Variants in CDK14 observed in about 807,000 individuals in gnomAD.
CDK14 encodes cyclin-dependent kinase 14.
CDK14 carries 34 observed loss-of-function variants against 60.7 expected under a neutral mutation model. The ratio of observed to expected loss-of-function variants is 0.56; its 90% CI spans 0.43 to 0.75. CDK14 has a LOEUF of 0.75. Among genes scored for constraint, CDK14 ranks in the 30% least tolerant of loss-of-function variants. CDK14 has a pLI of 0.00. For synonymous variants in CDK14, 197 were observed against 203.7 expected, an observed-to-expected ratio of 0.97 and a Z score of 0.28; for missense variants, 482 against 564.1, an observed-to-expected ratio of 0.85 and a Z score of 1.47.
At chr7:90,917,082 T>C (rs1793105076) in intron 7 of CDK14, among the ~76,000 whole-genome samples, 1 of 152,186 alleles carries the variant, frequency 6.6e-6, no homozygotes, top group Non-Finnish European at 1.5e-5. Context: ...TATGACTGTT[T>C]TTGTTTTAAT....
chr7:91,206,089 C>T (rs112023536), intron 14 of CDK14, among the ~76,000 whole-genome samples: 5,023 of 152,200 alleles, frequency 0.033, 106 homozygotes, highest in African/African-American at 0.055. Flanking sequence ...CCACCGTGCC[C>T]GGCCACTATT....
intron 10 of CDK14, among the ~76,000 whole-genome samples, chr7:90,987,027 TATTATA>T (rs1174056926): frequency 8.8e-5 from 1 of 11,326 alleles, no homozygotes; most frequent in Non-Finnish European, 2.1e-4. Context: ...AACTGAGATA[TATTATA>T]CAGCAACAGA....
At chr7:90,812,179 G>A (rs189663361) in intron 5 of CDK14, among the ~76,000 whole-genome samples, 13 of 152,194 alleles carry the variant, frequency 8.5e-5, no homozygotes, top group Non-Finnish European at 1.6e-4. Context: ...TATGTTTATT[G>A]TGGCACTATT....
intron 8 of CDK14, among the ~76,000 whole-genome samples, chr7:90,946,146 A>T (rs1041055110): frequency 6.6e-6 from 1 of 152,194 alleles, no homozygotes; most frequent in Non-Finnish European, 1.5e-5. Flanking sequence ...ATTATAGAAG[A>T]TACAGACTGT....
intron 10 of CDK14, among the ~76,000 whole-genome samples, chr7:91,019,103 T>C (rs1796374963): frequency 6.6e-6 from 1 of 152,152 alleles, no homozygotes; most frequent in South Asian, 2.1e-4. Context: ...AGATAATACA[T>C]AGAAAGAGAG....
chr7:91,051,627 G>A (rs1001007317), intron 11 of CDK14, among the ~76,000 whole-genome samples: 3 of 152,172 alleles, frequency 2.0e-5, no homozygotes, highest in Admixed American at 2.0e-4. Context: ...CCATAACTTG[G>A]TGTGAGATTC....
At chr7:91,016,156 G>A (rs79059379) in intron 10 of CDK14, among the ~76,000 whole-genome samples, 17,617 of 152,100 alleles carry the variant, frequency 0.12, 1,239 homozygotes, top group Middle Eastern at 0.29. Context: ...CCTACAACCA[G>A]TATCTACCTT....
chr7:90,741,920 G>T (rs1056051836), intron 3 of CDK14, among the ~76,000 whole-genome samples: 1 of 151,774 alleles, frequency 6.6e-6, no homozygotes, highest in African/African-American at 2.4e-5. Context: ...TGTTTTTCAG[G>T]ATTTTTCTCT....
intron 11 of CDK14, among the ~76,000 whole-genome samples, chr7:91,048,669 A>G (rs1361733432): frequency 6.6e-6 from 1 of 152,210 alleles, no homozygotes; most frequent in East Asian, 1.9e-4. Context: ...TCTCCTCTCT[A>G]TGCTATGTGA....
In CDK14 at chr7:90,895,403, C is replaced by T. The variant is rs576147595; in HGVS notation, c.640-3888C>T. 4.5e-4 allele frequency among the ~76,000 whole-genome samples: 7 copies of T among 15,546 alleles called. 2 individuals are homozygous for T. The highest frequency in any genetic ancestry group is 8.0e-4 in the African/African-American group (3 of 3,728). The allele number at this position is 15,546 out of a possible 152,430, so 10.2% of individuals were successfully genotyped here. ...CTCCTCTCCTCTCCTCTCCTCTCCT[C>T]TCCTCTCCTCTCCTCTCCTCTCCTC... On this transcript the variant is annotated intron_variant, in intron 6 of 14. Coordinates refer to ENST00000380050, the MANE Select transcript of CDK14 (RefSeq NM_001287135.2).
intron 13 of CDK14, 122 bp downstream of exon 13, chr7:91,112,803 T>C (rs1452952475): frequency 2.1e-6 from 2 of 969,242 alleles, no homozygotes; most frequent in Non-Finnish European, 1.6e-6. Flanking sequence ...AGATAATGTA[T>C]GTTTGTATGT....
Position 90,966,492 on chromosome 7 carries a change from G to C in CDK14, c.947+10675G>C, listed in dbSNP as rs559240933. Among the ~76,000 whole-genome samples, 4 of 152,274 alleles carry C rather than the reference G, an allele frequency of 2.6e-5. No homozygotes were observed. The South Asian group carries it at 6.2e-4, about 24-fold the overall frequency. On this transcript the variant is annotated intron_variant, in intron 9 of 14. Coordinates refer to ENST00000380050, the MANE Select transcript of CDK14 (RefSeq NM_001287135.2). Reference sequence around the variant, plus strand: ...GTTCCTCCTCATATGCTGATTACAGGCAGCTGACATCCTCAAAGCAGAGTG... The same window carrying C: ...GTTCCTCCTCATATGCTGATTACAGCCAGCTGACATCCTCAAAGCAGAGTG...
At chr7:90,608,091 G>C (rs1047274790) in intron 2 of CDK14, among the ~76,000 whole-genome samples, 1 of 152,152 alleles carries the variant, frequency 6.6e-6, no homozygotes, top group Non-Finnish European at 1.5e-5. Flanking sequence ...ACATTGTGAT[G>C]AGAGTTTTGG....
intron 5 of CDK14, among the ~76,000 whole-genome samples, chr7:90,859,222 AC>A (rs1449969034): frequency 6.6e-6 from 1 of 152,182 alleles, no homozygotes; most frequent in Admixed American, 6.5e-5. Flanking sequence ...CAGTTATCAG[AC>A]TGCCTTCTTT....
chr7:91,063,621 G>A (rs1427129120), intron 11 of CDK14, among the ~76,000 whole-genome samples: 1 of 152,176 alleles, frequency 6.6e-6, no homozygotes, highest in African/African-American at 2.4e-5. Flanking sequence ...CATCCTCTCA[G>A]AATGCCAATC....
intron 10 of CDK14, among the ~76,000 whole-genome samples, chr7:91,024,080 G>A (rs1462454929): frequency 6.6e-6 from 1 of 151,354 alleles, no homozygotes; most frequent in Non-Finnish European, 1.5e-5. Flanking sequence ...GCCAGAAAGC[G>A]TATCTTAAAG....
chr7:90,715,451 T>C (rs1268945408), intron 2 of CDK14, among the ~76,000 whole-genome samples: 2 of 152,042 alleles, frequency 1.3e-5, no homozygotes, highest in Non-Finnish European at 2.9e-5. Flanking sequence ...GGTAGACATT[T>C]TTAGTTTTTA....
intron 9 of CDK14, among the ~76,000 whole-genome samples, chr7:90,981,191 A>G (rs1170663943): frequency 6.6e-6 from 1 of 152,216 alleles, no homozygotes; most frequent in Admixed American, 6.5e-5. Flanking sequence ...CTGACAGAAA[A>G]ATTTGGAAAG....
At chr7:90,957,895 A>G (rs975149003) in intron 9 of CDK14, among the ~76,000 whole-genome samples, 2 of 152,126 alleles carry the variant, frequency 1.3e-5, no homozygotes, top group South Asian at 2.1e-4. Flanking sequence ...GCATCGCCAA[A>G]TCAATCCTAA....
Sources: allele counts gnomAD v4.1 joint callset (sites outside exome capture counted in the v4.1 genomes callset), GRCh38; gene constraint gnomAD v4.1.1; transcripts MANE v1.5; gene names NCBI Gene and HGNC (gene_info 2026-07-23, HGNC 2026-07-21).